STXBP4: variants seen among roughly 807,000 people sequenced by gnomAD.
STXBP4 encodes syntaxin binding protein 4, also known as syntaxin-binding protein 4.
Under a neutral mutation model 76.1 loss-of-function variants are expected in STXBP4, and 55 were observed. That is an observed-to-expected ratio of 0.72 (90% CI 0.58 to 0.91). The LOEUF (loss-of-function observed/expected upper bound fraction) is 0.91, where lower values mean the gene tolerates loss of function less well. Ranked by LOEUF, STXBP4 falls within the 40% of genes least tolerant of loss-of-function variation. The probability of loss-of-function intolerance (pLI) is 0.00; values close to 1 mark genes in which losing one functional copy is unlikely to be tolerated. For missense variants in STXBP4, 618 were observed against 636.9 expected (o/e 0.97, Z 0.32); for synonymous variants, 201 against 220.2 (o/e 0.91, Z 0.77).
Position 55,130,486 on chromosome 17 carries a change from A to G in STXBP4, c.1490-10824A>G, listed in dbSNP as rs556239392. ...ATTATGGAATGATCAAATCAGGCCA[A>G]TTAACATTTTCATCACCTCATATAC... On this transcript the variant is annotated intron_variant, in intron 16 of 17. Coordinates refer to ENST00000376352, the MANE Select transcript of STXBP4 (RefSeq NM_178509.6). Among the ~76,000 whole-genome samples the G allele has an allele frequency of 2.6e-5, 4 of 152,348 alleles. No individual in the cohort carries two copies. The East Asian group carries it at 5.8e-4, about 22-fold the overall frequency.
downstream of STXBP4, among the ~76,000 whole-genome samples, chr17:55,176,685 T>G (rs996919036): frequency 2.0e-5 from 3 of 152,152 alleles, no homozygotes; most frequent in African/African-American, 7.2e-5. Context: ...TATTTCTAGG[T>G]GTGTCTGTGA....
chr17:55,043,619 G>A (rs1361957285), intron 11 of STXBP4: 1 of 1,549,662 alleles, frequency 6.5e-7, no homozygotes, highest in South Asian at 1.2e-5. Context: ...TAGTGGCCAG[G>A]GCAGAATTAG....
intron 8 of STXBP4, among the ~76,000 whole-genome samples, chr17:55,008,162 C>T (rs1215407448): frequency 6.7e-6 from 1 of 149,746 alleles, no homozygotes; most frequent in East Asian, 1.9e-4. Context: ...GAAAAGCACT[C>T]GAAAGCATTT....
chr17:55,174,449 G>T (rs2080421510), downstream of STXBP4, among the ~76,000 whole-genome samples: 1 of 152,098 alleles, frequency 6.6e-6, no homozygotes, highest in African/African-American at 2.4e-5. Flanking sequence ...TAAAGATGTT[G>T]AACAACATTT....
chr17:55,059,223 A>G (rs2078967563), intron 12 of STXBP4, among the ~76,000 whole-genome samples: 1 of 152,124 alleles, frequency 6.6e-6, no homozygotes, highest in Non-Finnish European at 1.5e-5. Context: ...TATCATTGTA[A>G]CTCAGGCTGA....
At chr17:54,997,916 T>G (rs1366221304) in intron 4 of STXBP4, among the ~76,000 whole-genome samples, 2 of 151,910 alleles carry the variant, frequency 1.3e-5, no homozygotes, top group African/African-American at 4.8e-5. Flanking sequence ...AAGTTGACTC[T>G]TTTGGCTTAA....
intron 8 of STXBP4, chr17:55,030,959 T>G (rs56066835): frequency 2.2e-6 from 1 of 457,776 alleles, no homozygotes; most frequent in Non-Finnish European, 4.0e-6. Context: ...AAAGTGCTAG[T>G]CTTGGGGAAA....
the STXBP4 span, among the ~76,000 whole-genome samples, chr17:55,191,781 A>C: frequency 6.6e-6 from 1 of 152,184 alleles, no homozygotes; most frequent in Non-Finnish European, 1.5e-5. Flanking sequence ...ATTCAATTCA[A>C]TTCTCACACT....
chr17:54,971,300 A>C (rs1245140620), intron 1 of STXBP4, among the ~76,000 whole-genome samples: 2 of 152,228 alleles, frequency 1.3e-5, no homozygotes, highest in African/African-American at 4.8e-5. Context: ...AAAATACCAC[A>C]GACTGGTTGC....
At chr17:55,192,076 G>T in the STXBP4 span, among the ~76,000 whole-genome samples, 45 of 152,274 alleles carry the variant, frequency 3.0e-4, no homozygotes, top group African/African-American at 1.0e-3. Context: ...ATATAAGTTT[G>T]TGAATTATGT....
the STXBP4 span, among the ~76,000 whole-genome samples, chr17:55,209,708 T>C: frequency 3.3e-5 from 5 of 152,214 alleles, no homozygotes; most frequent in South Asian, 4.1e-4. Context: ...TCATATCTGA[T>C]GCTGATGCTG....
chr17:55,008,908 C>G (rs1042035214), intron 8 of STXBP4, among the ~76,000 whole-genome samples: 3 of 152,188 alleles, frequency 2.0e-5, no homozygotes, highest in Admixed American at 6.5e-5. Flanking sequence ...TACTTTGAGG[C>G]AGCATGTCCT....
At chr17:55,183,402 A>C in the STXBP4 span, among the ~76,000 whole-genome samples, 1 of 152,204 alleles carries the variant, frequency 6.6e-6, no homozygotes, top group African/African-American at 2.4e-5. Flanking sequence ...CCCGGGCAAG[A>C]CAGCAAGACC....
intron 1 of STXBP4, among the ~76,000 whole-genome samples, chr17:54,971,122 C>T (rs570210862): frequency 3.3e-5 from 5 of 152,260 alleles, no homozygotes; most frequent in African/African-American, 1.2e-4. Flanking sequence ...TACCCTTCAC[C>T]AAGATTAGAG....
At chr17:55,060,189 A>T (rs987255961) in intron 12 of STXBP4, among the ~76,000 whole-genome samples, 2 of 152,144 alleles carry the variant, frequency 1.3e-5, no homozygotes, top group African/African-American at 4.8e-5. Flanking sequence ...ATTTTAAAAT[A>T]TGTTGACCAT....
At chr17:54,976,819 C>A (rs535960148) in intron 1 of STXBP4, among the ~76,000 whole-genome samples, 1 of 152,276 alleles carries the variant, frequency 6.6e-6, no homozygotes, top group East Asian at 1.9e-4. Flanking sequence ...CCATCCCCCA[C>A]ACCCCCATGC....
At chr17:55,032,749 C>T (rs1227964773) in intron 9 of STXBP4, among the ~76,000 whole-genome samples, 2 of 152,096 alleles carry the variant, frequency 1.3e-5, no homozygotes, top group Admixed American at 6.6e-5. Context: ...AGTCATCACT[C>T]GTAATATGCA....
At chr17:55,092,439 T>C (rs2079427407) in intron 16 of STXBP4, among the ~76,000 whole-genome samples, 1 of 152,176 alleles carries the variant, frequency 6.6e-6, no homozygotes, top group Non-Finnish European at 1.5e-5. Flanking sequence ...ACCATGTAAT[T>C]TAGTAGGTCT....
rs571162783 is a variant in STXBP4 at position 55,037,601 on chromosome 17, A to G, written c.855+3342A>G. 4.6e-5 allele frequency among the ~76,000 whole-genome samples: 7 copies of G among 152,266 alleles called. No homozygotes were observed. The South Asian group carries it at 8.3e-4, about 18-fold the overall frequency. On this transcript the variant is annotated intron_variant, in intron 10 of 17. Coordinates refer to ENST00000376352, the MANE Select transcript of STXBP4 (RefSeq NM_178509.6). ...ACATGTCAATAATTCTGACATGTCA[A>G]TGATTTCCAATTTGTGGCTTCAGAT... is the stretch of plus-strand genomic sequence containing the variant.
Sources: allele counts gnomAD v4.1 joint callset (sites outside exome capture counted in the v4.1 genomes callset), GRCh38; gene constraint gnomAD v4.1.1; transcripts MANE v1.5; gene names NCBI Gene and HGNC (gene_info 2026-07-23, HGNC 2026-07-21).